Variants in GPC5 observed in about 807,000 individuals in gnomAD.
The protein encoded by GPC5 is glypican-5.
In GPC5, 47 loss-of-function variants were observed where a neutral mutation model predicts 53.9. That is an observed-to-expected ratio of 0.87 (90% confidence interval 0.69 to 1.11). GPC5 has a LOEUF of 1.11. Ranked by LOEUF, GPC5 falls within the 50% of genes most tolerant of loss-of-function variation. The pLI is 0.00. For synonymous variants in GPC5, 286 were observed against 263.3 expected, an observed-to-expected ratio of 1.09 and a Z score of -0.84; for missense variants, 748 against 713.1, an observed-to-expected ratio of 1.05 and a Z score of -0.56.
intron 6 of GPC5, among the ~76,000 whole-genome samples, chr13:92,118,174 T>A (rs1367956179): frequency 6.6e-6 from 1 of 152,170 alleles, no homozygotes. Flanking sequence ...AAAGAATAGA[T>A]GTTGAATTTT....
At chr13:91,786,434 C>T (rs574394047) in intron 5 of GPC5, among the ~76,000 whole-genome samples, 2 of 152,264 alleles carry the variant, frequency 1.3e-5, no homozygotes, top group South Asian at 2.1e-4. Context: ...TTTTTGTTAC[C>T]TGTACATCTT....
chr13:91,558,544 G>A (rs114956394), intron 2 of GPC5, among the ~76,000 whole-genome samples: 1 of 151,996 alleles, frequency 6.6e-6, no homozygotes, highest in Admixed American at 6.6e-5. Flanking sequence ...ACTTTGTTCT[G>A]GATCCAGTGT....
chr13:91,986,759 CT>C (rs1380645092), intron 6 of GPC5, among the ~76,000 whole-genome samples: 1 of 152,132 alleles, frequency 6.6e-6, no homozygotes, highest in Non-Finnish European at 1.5e-5. Context: ...GAAATATTTT[CT>C]TTTTATATTC....
chr13:92,237,456 G>A (rs2042579010), intron 7 of GPC5, among the ~76,000 whole-genome samples: 1 of 152,102 alleles, frequency 6.6e-6, no homozygotes, highest in Non-Finnish European at 1.5e-5. Context: ...TTGACCTCAT[G>A]ATCTGCCTGC....
intron 2 of GPC5, among the ~76,000 whole-genome samples, chr13:91,572,113 GTATATATACGTGTGTATATACACA>G (rs1566517091): frequency 1.7e-5 from 2 of 119,624 alleles, no homozygotes; most frequent in Non-Finnish European, 3.6e-5. Context: ...ATACACACAT[GTATATATACGTGTGTATATACACA>G]TATGTATATA....
intron 7 of GPC5, among the ~76,000 whole-genome samples, chr13:92,813,152 A>G (rs577370790): frequency 6.6e-6 from 1 of 152,030 alleles, no homozygotes; most frequent in South Asian, 2.1e-4. Flanking sequence ...TCTAACTTGG[A>G]GTTCTGTAAT....
rs139707548 is a variant in GPC5, at chr13:92,290,481, C to T, written c.1561+145492C>T. ...CCTATTTGTAGTCTTTTTTTCCTCA[C>T]CCCCTTCTGACCCTTTCCCCAAGTC... On this transcript the variant is annotated intron_variant, in intron 7 of 7. Transcript: ENST00000377067. Among the ~76,000 whole-genome samples the T allele has an allele frequency of 6.1e-3, 932 of 152,228 alleles. 9 individuals carry two copies. Among genetic ancestry groups the T allele is most frequent in the African/African-American group, 0.021 (882 of 41,536 alleles).
rs1278001632 is a variant in GPC5, at chr13:91,896,151, G to A, written c.1281-11786G>A. 1.5e-4 allele frequency among the ~76,000 whole-genome samples: 20 copies of A among 136,464 alleles called. No homozygotes were observed. In the Admixed American group the frequency reaches 1.5e-3, roughly 10 times the overall value. 89.5% of individuals were successfully genotyped at this position (136,464 alleles called of 152,430 possible). Reference sequence around the variant, plus strand: ...TTTTTTTTTTTTGAGGCAGAGTCTCGCTCTATCATCCAGGCTGGAGTGCAG... The same window carrying A: ...TTTTTTTTTTTTGAGGCAGAGTCTCACTCTATCATCCAGGCTGGAGTGCAG... On this transcript the variant is annotated intron_variant, in intron 5 of 7. Coordinates refer to ENST00000377067, the MANE Select transcript of GPC5 (RefSeq NM_004466.6).
chr13:91,473,995 ATT>A (rs1412585118), intron 2 of GPC5, among the ~76,000 whole-genome samples: 1 of 152,162 alleles, frequency 6.6e-6, no homozygotes, highest in East Asian at 1.9e-4. Context: ...TGTTGCTTAT[ATT>A]AAATTTGAAA....
chr13:92,051,511 T>G (rs1246545699), intron 6 of GPC5, among the ~76,000 whole-genome samples: 1 of 151,826 alleles, frequency 6.6e-6, no homozygotes, highest in Non-Finnish European at 1.5e-5. Context: ...AGACTGCATT[T>G]CTAACCAGTT....
chr13:91,501,936 T>G (rs2139298425), intron 2 of GPC5, among the ~76,000 whole-genome samples: 1 of 152,352 alleles, frequency 6.6e-6, no homozygotes, highest in East Asian at 1.9e-4. Context: ...ATGATCGCCA[T>G]TTTAACTGGT....
chr13:92,264,152 A>C (rs1373009059), intron 7 of GPC5, among the ~76,000 whole-genome samples: 1 of 152,166 alleles, frequency 6.6e-6, no homozygotes, highest in African/African-American at 2.4e-5. Context: ...TAAAAGTACT[A>C]TCAACCCTAT....
chr13:92,731,029 C>T (rs887032006), intron 7 of GPC5, among the ~76,000 whole-genome samples: 1 of 151,320 alleles, frequency 6.6e-6, no homozygotes, highest in Non-Finnish European at 1.5e-5. Flanking sequence ...TCTACATATG[C>T]CCACTGAAAC....
intron 5 of GPC5, among the ~76,000 whole-genome samples, chr13:91,809,303 A>T (rs550833365): frequency 6.6e-6 from 1 of 152,298 alleles, no homozygotes; most frequent in East Asian, 1.9e-4. Flanking sequence ...CTGCCGTTTA[A>T]TCATAGCAAT....
In GPC5 at chr13:91,415,705, TA is replaced by T. The variant is rs573781851; in HGVS notation, c.163+16497del. Among the ~76,000 whole-genome samples the T allele has an allele frequency of 7.9e-4, 106 of 133,890 alleles. No homozygotes were observed. The Middle Eastern group carries it at 0.028, about 35-fold the overall frequency. The allele number at this position is 133,890 out of a possible 152,430, so 87.8% of individuals were successfully genotyped here. A position where few individuals can be genotyped will look rare whatever the true frequency, so the allele number is the denominator to read the frequency against. On this transcript the variant is annotated intron_variant, in intron 1 of 7. Coordinates refer to ENST00000377067, the MANE Select transcript of GPC5 (RefSeq NM_004466.6). The stretch of plus-strand genomic sequence containing the variant: ...TGAACAAAAGTTTTCATTTATAAAA[TA>T]GGAATATTTTTCTACCTTGTAAAAG...
intron 5 of GPC5, among the ~76,000 whole-genome samples, chr13:91,907,720 G>A (rs2039569353): frequency 6.6e-6 from 1 of 151,622 alleles, no homozygotes; most frequent in Admixed American, 6.6e-5. Flanking sequence ...TCCATTGAGT[G>A]AATAACATTA....
rs745670689 is a variant in GPC5, at chr13:92,175,347, C to A, written c.1561+30358C>A. On this transcript the variant is annotated intron_variant, in intron 7 of 7. Coordinates refer to ENST00000377067, the MANE Select transcript of GPC5 (RefSeq NM_004466.6). Reference sequence around the variant, plus strand: ...TGTATCTATACATATATAAAAGCATCTAAATAGGGCTTGACACCTAATTGG... The same window carrying A: ...TGTATCTATACATATATAAAAGCATATAAATAGGGCTTGACACCTAATTGG... 5.5e-4 allele frequency among the ~76,000 whole-genome samples: 83 copies of A among 152,254 alleles called. 1 individual carries two copies. Among genetic ancestry groups the A allele is most frequent in the Non-Finnish European group, 1.0e-3 (69 of 68,014 alleles).
intron 7 of GPC5, among the ~76,000 whole-genome samples, chr13:92,540,197 T>C (rs1881889003): frequency 6.6e-6 from 1 of 151,934 alleles, no homozygotes; most frequent in Non-Finnish European, 1.5e-5. Flanking sequence ...TATGAAAAGC[T>C]CTATCATGAA....
chr13:91,859,911 CATTTT>C (rs1266651762), intron 5 of GPC5, among the ~76,000 whole-genome samples: 1 of 151,620 alleles, frequency 6.6e-6, no homozygotes, highest in East Asian at 1.9e-4. Context: ...GTGTTATTGC[CATTTT>C]ATTTTATTTT....
Sources: gnomAD v4.1 joint callset for allele counts (sites outside exome capture counted in the v4.1 genomes callset) on GRCh38, gnomAD v4.1.1 for gene constraint, MANE v1.5 for transcripts, NCBI Gene and HGNC (gene_info 2026-07-23, HGNC 2026-07-21) for gene names.